The following FNBP1L variants were observed in gnomAD, a reference collection of about 807,000 sequenced individuals.
FNBP1L encodes the protein formin binding protein 1 like, also known as formin-binding protein 1-like.
Under a neutral mutation model 91.2 loss-of-function variants are expected in FNBP1L, and 36 were observed. The ratio of observed to expected loss-of-function variants is 0.39; its 90% confidence interval spans 0.30 to 0.52. The LOEUF (loss-of-function observed/expected upper bound fraction) is 0.52, where lower values mean the gene tolerates loss of function less well. Ranked by LOEUF, FNBP1L falls within the 20% of genes least tolerant of loss-of-function variation. The pLI is 0.66. For synonymous variants in FNBP1L, 242 were observed against 237.0 expected (o/e 1.02, Z -0.19); for missense variants, 571 against 732.1 (o/e 0.78, Z 2.54).
At chr1:93,460,752 A>T (rs1227145547) in intron 1 of FNBP1L, among the ~76,000 whole-genome samples, 1 of 152,216 alleles carries the variant, frequency 6.6e-6, no homozygotes, top group Non-Finnish European at 1.5e-5. Flanking sequence ...AACAGAGCAA[A>T]ATGGTCGTAA....
intron 1 of FNBP1L, among the ~76,000 whole-genome samples, chr1:93,496,438 C>T (rs1670262981): frequency 6.6e-6 from 1 of 152,006 alleles, no homozygotes; most frequent in Admixed American, 6.6e-5. Context: ...TAGGGTCTTG[C>T]TCTCTTACCC....
chr1:93,528,546 C>T (rs1042833164), intron 5 of FNBP1L, among the ~76,000 whole-genome samples: 60 of 152,228 alleles, frequency 3.9e-4, no homozygotes, highest in Middle Eastern at 3.4e-3. Context: ...TTTTAGGAGG[C>T]TGCTGCTGAA....
intron 1 of FNBP1L, among the ~76,000 whole-genome samples, chr1:93,454,565 A>C (rs1265026480): frequency 6.6e-6 from 1 of 152,142 alleles, no homozygotes; most frequent in Non-Finnish European, 1.5e-5. Context: ...TCCTTTAATA[A>C]TATGTTACTA....
chr1:93,481,970 G>A (rs1419049465), intron 1 of FNBP1L, among the ~76,000 whole-genome samples: 1 of 152,016 alleles, frequency 6.6e-6, no homozygotes, highest in African/African-American at 2.4e-5. Flanking sequence ...GACCAGACTG[G>A]GCAACATGGC....
chr1:93,478,675 AC>A (rs1669583969), intron 1 of FNBP1L, among the ~76,000 whole-genome samples: 1 of 152,170 alleles, frequency 6.6e-6, no homozygotes, highest in Non-Finnish European at 1.5e-5. Context: ...ACTGATTACT[AC>A]CTGCTGGAGA....
intron 2 of FNBP1L, among the ~76,000 whole-genome samples, chr1:93,505,416 C>T (rs1670577362): frequency 6.6e-6 from 1 of 152,054 alleles, no homozygotes; most frequent in Non-Finnish European, 1.5e-5. Flanking sequence ...CGGGACCTCA[C>T]CCCGATTGGC....
intron 1 of FNBP1L, among the ~76,000 whole-genome samples, chr1:93,458,539 A>T (rs1397868087): frequency 6.6e-6 from 1 of 152,260 alleles, no homozygotes; most frequent in Non-Finnish European, 1.5e-5. Context: ...AGAAGAAAAT[A>T]TAGTTCCATG....
At chr1:93,493,673 T>C (rs1460011952) in intron 1 of FNBP1L, among the ~76,000 whole-genome samples, 1 of 152,230 alleles carries the variant, frequency 6.6e-6, no homozygotes, top group Non-Finnish European at 1.5e-5. Flanking sequence ...TATTTATCCA[T>C]GTTTTGTAGC....
chr1:93,495,270 T>G (rs1174316172), intron 1 of FNBP1L, among the ~76,000 whole-genome samples: 1 of 152,246 alleles, frequency 6.6e-6, no homozygotes, highest in African/African-American at 2.4e-5. Flanking sequence ...ATGTCTAGAT[T>G]GTTTCAATAA....
At chr1:93,540,970 A>G (rs1672025728) in intron 10 of FNBP1L, 72 bp from the exon 11 acceptor site, 3 of 1,330,956 alleles carry the variant, frequency 2.3e-6, no homozygotes, top group Non-Finnish European at 2.1e-6. Flanking sequence ...AGAATAGGCT[A>G]TTGCATCTTC....
At chr1:93,474,236 CCGTCTCA>C (rs1669412088) in intron 1 of FNBP1L, among the ~76,000 whole-genome samples, 1 of 151,850 alleles carries the variant, frequency 6.6e-6, no homozygotes, top group South Asian at 2.1e-4. Context: ...AAGTGAGACT[CCGTCTCA>C]AAAAAAACAA....
chr1:93,496,986 A>G (rs1308932716), intron 1 of FNBP1L, among the ~76,000 whole-genome samples: 1 of 152,092 alleles, frequency 6.6e-6, no homozygotes, highest in Non-Finnish European at 1.5e-5. Context: ...TTTGAGACAG[A>G]GTCTCGCTCT....
At chr1:93,540,210 A>G (rs1671990499) in intron 10 of FNBP1L, among the ~76,000 whole-genome samples, 1 of 152,122 alleles carries the variant, frequency 6.6e-6, no homozygotes. Flanking sequence ...ATATATATAC[A>G]TATATAAAGT....
intron 1 of FNBP1L, among the ~76,000 whole-genome samples, chr1:93,466,276 C>T (rs199873799): frequency 6.6e-6 from 1 of 152,058 alleles, no homozygotes; most frequent in African/African-American, 2.4e-5. Flanking sequence ...AGTCTTTGCC[C>T]GTGCCTATGT....
chr1:93,470,627 C>G (rs954346453), intron 1 of FNBP1L, among the ~76,000 whole-genome samples: 1 of 151,868 alleles, frequency 6.6e-6, no homozygotes, highest in Non-Finnish European at 1.5e-5. Flanking sequence ...AATCCTAGCA[C>G]TTTGGGAGGC....
chr1:93,481,833 T>A (rs1313163496), intron 1 of FNBP1L, among the ~76,000 whole-genome samples: 3 of 152,152 alleles, frequency 2.0e-5, no homozygotes, highest in Non-Finnish European at 4.4e-5. Context: ...GGTCTGTATT[T>A]AGGTAAAATT....
intron 2 of FNBP1L, among the ~76,000 whole-genome samples, chr1:93,500,640 A>T (rs932470659): frequency 6.7e-6 from 1 of 149,554 alleles, no homozygotes; most frequent in Non-Finnish European, 1.5e-5. Flanking sequence ...ACTGACTTAT[A>T]GCTAATGATG....
At position 93,448,217 on chromosome 1, in the gene FNBP1L, G is replaced by GGACAGACTGTGGAGCC; in HGVS notation, c.-55_-40dup. 6.6e-7 allele frequency: 1 copy of GGACAGACTGTGGAGCC among 1,515,866 alleles called. No individual in the cohort carries two copies. The highest frequency in any genetic ancestry group is 8.8e-7 in the Non-Finnish European group (1 of 1,131,262). The allele number at this position is 1,515,866 out of a possible 1,614,324, so 93.9% of individuals were successfully genotyped here. On this transcript the variant is annotated 5_prime_UTR_variant, in exon 1 of 17. Transcript: ENST00000271234. ...CCCGCCGGCCAGCGAGTGAGAGGTC[G>GGACAGACTGTGGAGCC]GACAGACTGTGGAGCCGACAGACTG...
At chr1:93,539,085 CT>C (rs1015370426) in intron 10 of FNBP1L, among the ~76,000 whole-genome samples, 13 of 151,962 alleles carry the variant, frequency 8.6e-5, no homozygotes, top group African/African-American at 2.4e-4. Flanking sequence ...TCTATTGCTA[CT>C]TTGAGTTTTA....
Sources: allele counts gnomAD v4.1 joint callset (sites outside exome capture counted in the v4.1 genomes callset), GRCh38; gene constraint gnomAD v4.1.1; transcripts MANE v1.5; gene names NCBI Gene and HGNC (gene_info 2026-07-23, HGNC 2026-07-21).